Variants in LOC122539214 observed in about 807,000 individuals in gnomAD.
the LOC122539214 span, chr19:52,655,177 ACT>A: frequency 5.0e-6 from 1 of 199,640 alleles, no homozygotes; most frequent in African/African-American, 2.4e-5. Context: ...AGAGAGGGAG[ACT>A]CTGTCTCAAA....
chr19:52,656,859 C>T, the LOC122539214 span, among the ~76,000 whole-genome samples: 81,993 of 144,144 alleles, frequency 0.57, 23,117 homozygotes, highest in East Asian at 0.72. Flanking sequence ...AGCGAGACTC[C>T]GTCTCAAAAA....
At chr19:52,677,792 G>C in the LOC122539214 span, among the ~76,000 whole-genome samples, 4 of 152,074 alleles carry the variant, frequency 2.6e-5, no homozygotes, top group African/African-American at 9.7e-5. Context: ...CCAACACTTT[G>C]GGAAGTGGAG....
chr19:52,675,320 G>C, the LOC122539214 span, among the ~76,000 whole-genome samples: 2 of 152,170 alleles, frequency 1.3e-5, no homozygotes, highest in African/African-American at 4.8e-5. Flanking sequence ...AGGATCCCAC[G>C]ACATGTACTT....
chr19:52,678,973 CAA>C, the LOC122539214 span, among the ~76,000 whole-genome samples: 104 of 138,348 alleles, frequency 7.5e-4, no homozygotes, highest in Admixed American at 8.6e-4. Context: ...GACTCCATCT[CAA>C]AAAAAAAAAA....
the LOC122539214 span, among the ~76,000 whole-genome samples, chr19:52,687,616 G>GTATATATATA: frequency 1.3e-4 from 2 of 15,824 alleles, no homozygotes; most frequent in African/African-American, 4.6e-4. Flanking sequence ...TATATAATGT[G>GTATATATATA]TATATATATA....
the LOC122539214 span, among the ~76,000 whole-genome samples, chr19:52,686,455 A>G: frequency 1.5e-5 from 1 of 64,870 alleles, no homozygotes; most frequent in Admixed American, 1.2e-4. Flanking sequence ...CTGCAAAAAA[A>G]TTACATATAT....
At chr19:52,653,822 G>A in the LOC122539214 span, among the ~76,000 whole-genome samples, 1 of 152,244 alleles carries the variant, frequency 6.6e-6, no homozygotes, top group Middle Eastern at 3.4e-3. Context: ...CATTTATATT[G>A]TTTCTCTCCT....
the LOC122539214 span, chr19:52,653,206 G>C: frequency 6.5e-7 from 1 of 1,529,220 alleles, no homozygotes; most frequent in Non-Finnish European, 9.0e-7. Flanking sequence ...CTGACTGAAG[G>C]TCTTGCCACA....
At chr19:52,680,604 A>ATTT in the LOC122539214 span, among the ~76,000 whole-genome samples, 25 of 89,892 alleles carry the variant, frequency 2.8e-4, no homozygotes, top group African/African-American at 8.5e-4. Flanking sequence ...TTTCCACAAA[A>ATTT]TATTTTTTTT....
the LOC122539214 span, among the ~76,000 whole-genome samples, chr19:52,685,642 A>T: frequency 6.6e-6 from 1 of 152,098 alleles, no homozygotes. Flanking sequence ...CTTGCCTGTA[A>T]TCCCAGCACA....
the LOC122539214 span, among the ~76,000 whole-genome samples, chr19:52,690,199 C>A: frequency 0.014 from 1,957 of 135,952 alleles, 12 homozygotes; most frequent in African/African-American, 0.017. Context: ...AAAAAAAAAA[C>A]AACAACAACT....
At chr19:52,672,917 T>C in the LOC122539214 span, among the ~76,000 whole-genome samples, 1 of 152,142 alleles carries the variant, frequency 6.6e-6, no homozygotes, top group South Asian at 2.1e-4. Flanking sequence ...AAATAGAACA[T>C]GATAATGGGT....
chr19:52,672,799 C>T, the LOC122539214 span, among the ~76,000 whole-genome samples: 2 of 152,050 alleles, frequency 1.3e-5, no homozygotes, highest in African/African-American at 2.4e-5. Context: ...GGGGTTTCAC[C>T]GTGTTGGCCA....
chr19:52,659,908 C>A, the LOC122539214 span, among the ~76,000 whole-genome samples: 1 of 152,078 alleles, frequency 6.6e-6, no homozygotes, highest in Non-Finnish European at 1.5e-5. Flanking sequence ...AGATATTTCT[C>A]GGCTGGGTGG....
chr19:52,652,174 C>T, the LOC122539214 span: 10 of 225,788 alleles, frequency 4.4e-5, no homozygotes, highest in African/African-American at 1.4e-4. Context: ...CGTGGTGGCT[C>T]ATGCCTGTAA....
the LOC122539214 span, among the ~76,000 whole-genome samples, chr19:52,675,395 G>T: frequency 6.6e-6 from 1 of 152,190 alleles, no homozygotes; most frequent in East Asian, 1.9e-4. Flanking sequence ...AGAACAGAAA[G>T]AAATATATCA....
chr19:52,658,642 A>G, the LOC122539214 span, among the ~76,000 whole-genome samples: 41,492 of 152,064 alleles, frequency 0.27, 5,927 homozygotes, highest in Middle Eastern at 0.35. Context: ...GAAGGCCGAA[A>G]GGTTATATAG....
At chr19:52,674,013 C>T in the LOC122539214 span, among the ~76,000 whole-genome samples, 24 of 86,356 alleles carry the variant, frequency 2.8e-4, no homozygotes, top group Admixed American at 6.2e-4. Flanking sequence ...GAGACTCCAT[C>T]TCAAAAAAAA....
chr19:52,655,922 AAT>A, the LOC122539214 span, among the ~76,000 whole-genome samples: 79,561 of 151,766 alleles, frequency 0.52, 21,387 homozygotes, highest in East Asian at 0.71. Flanking sequence ...AAATACAAAA[AAT>A]ATATGTCTGG....
Sources: allele counts gnomAD v4.1 joint callset (sites outside exome capture counted in the v4.1 genomes callset), GRCh38; gene constraint gnomAD v4.1.1; transcripts MANE v1.5.